DLGAP2: variants seen among roughly 807,000 people sequenced by gnomAD.
DLGAP2 encodes disks large-associated protein 2.
In DLGAP2, 26 loss-of-function variants were observed where a neutral mutation model predicts 100.3. That is an observed-to-expected ratio of 0.26 (90% CI 0.19 to 0.36). DLGAP2 has a LOEUF of 0.36. DLGAP2 is among the 10% of genes least tolerant of loss of function. The probability of loss-of-function intolerance (pLI) is 1.00; values close to 1 mark genes in which losing one functional copy is unlikely to be tolerated. For missense variants in DLGAP2, 1,858 were observed against 1,453.2 expected (o/e 1.28, Z -4.53); for synonymous variants, 886 against 630.1 (o/e 1.41, Z -6.08).
chr8:1,018,693 AT>A (rs1801542079), intron 2 of DLGAP2: 1 of 152,254 alleles, frequency 6.6e-6, no homozygotes, highest in Non-Finnish European at 1.5e-5. Flanking sequence ...TTTACATTTA[AT>A]TGACTATTTT....
At chr8:1,157,323 C>T (rs116739789) in intron 2 of DLGAP2, among the ~76,000 whole-genome samples, 2,689 of 152,260 alleles carry the variant, frequency 0.018, 74 homozygotes, top group African/African-American at 0.061. Context: ...GCCATTTCAC[C>T]GATGGATGCA....
chr8:1,530,403 T>G (rs1800948973), intron 4 of DLGAP2, among the ~76,000 whole-genome samples: 1 of 152,218 alleles, frequency 6.6e-6, no homozygotes, highest in Admixed American at 6.5e-5. Flanking sequence ...TCTCTCTTAT[T>G]CCCTGAACAA....
intron 3 of DLGAP2, among the ~76,000 whole-genome samples, chr8:1,489,797 C>G (rs1333244237): frequency 6.6e-6 from 1 of 152,198 alleles, no homozygotes; most frequent in Non-Finnish European, 1.5e-5. Context: ...ATGGGAATTT[C>G]AATAACACTT....
intron 2 of DLGAP2, among the ~76,000 whole-genome samples, chr8:1,214,947 C>T (rs905025567): frequency 1.3e-5 from 2 of 152,180 alleles, no homozygotes; most frequent in African/African-American, 2.4e-5. Flanking sequence ...CTAGAACATG[C>T]GTTTAAAAAT....
chr8:1,302,759 C>T (rs1050208083), intron 3 of DLGAP2, among the ~76,000 whole-genome samples: 31 of 152,380 alleles, frequency 2.0e-4, no homozygotes, highest in African/African-American at 7.2e-4. Context: ...GCTCTTGCCC[C>T]GCCTGGGGAC....
At chr8:1,481,089 G>T (rs1026178838) in intron 3 of DLGAP2, among the ~76,000 whole-genome samples, 61 of 152,006 alleles carry the variant, frequency 4.0e-4, no homozygotes, top group African/African-American at 1.4e-3. Context: ...GGAGAATGGC[G>T]TGAACCTGGG....
At position 1,275,865 on chromosome 8, in the gene DLGAP2, TATATATAATATATAAATAA is replaced by T. The variant is rs1392764092; in HGVS notation, c.106+17001_106+17019del. Among the ~76,000 whole-genome samples the T allele has an allele frequency of 7.1e-3, 699 of 97,898 alleles. 5 individuals are homozygous for T. Among genetic ancestry groups the T allele is most frequent in the African/African-American group, 0.026 (666 of 25,948 alleles). 64.2% of individuals were successfully genotyped at this position (97,898 alleles called of 152,430 possible). ...TATATAAATATATATAATATATAAA[TATATATAATATATAAATAA>T]ATATATAATATATAAATATATATAA... On this transcript the variant is annotated intron_variant, in intron 3 of 14. Transcript: ENST00000637795.
At chr8:836,526 G>A (rs1365219480) in intron 1 of DLGAP2, among the ~76,000 whole-genome samples, 2 of 152,196 alleles carry the variant, frequency 1.3e-5, no homozygotes, top group Admixed American at 6.5e-5. Context: ...TGGCAGGTGC[G>A]GGGGCACACA....
intron 3 of DLGAP2, among the ~76,000 whole-genome samples, chr8:1,376,569 T>C (rs947317909): frequency 2.6e-5 from 4 of 152,232 alleles, no homozygotes; most frequent in African/African-American, 7.2e-5. Context: ...GCTGCTCTCC[T>C]CCTGCTGAAG....
chr8:1,267,568 T>TAATAATAAAAG (rs1563051859), intron 3 of DLGAP2, among the ~76,000 whole-genome samples: 1 of 48,218 alleles, frequency 2.1e-5, no homozygotes, highest in African/African-American at 9.4e-5. Context: ...CAAAATAAAA[T>TAATAATAAAAG]AAAATAAAAT....
intron 4 of DLGAP2, among the ~76,000 whole-genome samples, chr8:1,510,462 T>C (rs1008167158): frequency 1.3e-5 from 2 of 152,158 alleles, no homozygotes; most frequent in African/African-American, 4.8e-5. Context: ...TCCGTGAAAG[T>C]GCTGTCAAGG....
intron 2 of DLGAP2, among the ~76,000 whole-genome samples, chr8:1,144,527 T>A (rs1796573217): frequency 6.6e-6 from 1 of 152,246 alleles, no homozygotes; most frequent in South Asian, 2.1e-4. Flanking sequence ...ATTCTTGCTT[T>A]GTCTGTCTCC....
At chr8:1,156,918 G>T (rs891351590) in intron 2 of DLGAP2, among the ~76,000 whole-genome samples, 4 of 152,138 alleles carry the variant, frequency 2.6e-5, no homozygotes, top group African/African-American at 9.7e-5. Context: ...TCCACTCAGG[G>T]TTCCCAGTCG....
chr8:1,618,631 C>G (rs1797232555), intron 6 of DLGAP2, among the ~76,000 whole-genome samples: 1 of 152,186 alleles, frequency 6.6e-6, no homozygotes, highest in Admixed American at 6.5e-5. Context: ...AGGACTCACG[C>G]TATCTGATTT....
In DLGAP2 at chr8:1,548,672, C is replaced by G. The variant is rs781252566; in HGVS notation, c.219C>G (p.Arg73=). ...CCACGCAGCACTTCAATGAGGAGCG[C>G]TACTCGCCCGCGCCCAGGAGCATGA... ...WSPTQHFNEE[R]YSPAPRSMKG... The change falls in exon 5 of 15, where the codon CGC becomes CGG. Residue 73 remains arginine (R), a synonymous_variant. Transcript: ENST00000637795. 6.3e-7 allele frequency: 1 copy of G among 1,597,608 alleles called. No individual in the cohort carries two copies. Among genetic ancestry groups the G allele is most frequent in the African/African-American group, 1.3e-5 (1 of 74,362 alleles).
intron 1 of DLGAP2, among the ~76,000 whole-genome samples, chr8:775,727 T>C (rs1821497904): frequency 1.5e-5 from 2 of 131,204 alleles, no homozygotes; most frequent in Non-Finnish European, 3.3e-5. Context: ...ATAAGCTTTT[T>C]GATGTGCTGC....
chr8:1,377,928 C>G (rs1288469189), intron 3 of DLGAP2: 1 of 152,200 alleles, frequency 6.6e-6, no homozygotes, highest in Non-Finnish European at 1.5e-5. Flanking sequence ...CCCAAATCAG[C>G]TGATGGAGTT....
At chr8:1,275,496 G>T (rs1799664549) in intron 3 of DLGAP2, among the ~76,000 whole-genome samples, 1 of 151,754 alleles carries the variant, frequency 6.6e-6, no homozygotes. Flanking sequence ...TCAGACATCA[G>T]CGTCAATCCC....
At chr8:1,324,200 C>G (rs1300610336) in intron 3 of DLGAP2, among the ~76,000 whole-genome samples, 2 of 152,170 alleles carry the variant, frequency 1.3e-5, no homozygotes, top group African/African-American at 2.4e-5. Flanking sequence ...ATGATTCAGT[C>G]TTTCCCAAAT....
Sources: allele counts gnomAD v4.1 joint callset (sites outside exome capture counted in the v4.1 genomes callset), GRCh38; gene constraint gnomAD v4.1.1; transcripts MANE v1.5; gene names NCBI Gene and HGNC (gene_info 2026-07-23, HGNC 2026-07-21).